KCTD1: variants seen among roughly 807,000 people sequenced by gnomAD.
KCTD1 encodes potassium channel tetramerization domain containing 1, also known as BTB/POZ domain-containing protein KCTD1.
Under a neutral mutation model 66.0 loss-of-function variants are expected in KCTD1, and 24 were observed. The ratio of observed to expected loss-of-function variants is 0.36; its 90% CI spans 0.26 to 0.51. The LOEUF (loss-of-function observed/expected upper bound fraction) is 0.51. Among genes scored for constraint, KCTD1 ranks in the 20% least tolerant of loss-of-function variants. KCTD1 has a pLI of 0.95. For missense variants in KCTD1, 943 were observed against 1,205.2 expected (o/e 0.78, Z 3.22); for synonymous variants, 511 against 517.2 (o/e 0.99, Z 0.16).
intron 1 of KCTD1, among the ~76,000 whole-genome samples, chr18:26,586,038 AAAAAC>A (rs1365116117): frequency 6.6e-6 from 1 of 152,196 alleles, no homozygotes. Flanking sequence ...CTGTCTCTTA[AAAAAC>A]AAAACAAAAC....
chr18:26,552,818 G>C (rs1322467760), upstream of KCTD1, among the ~76,000 whole-genome samples: 1 of 152,088 alleles, frequency 6.6e-6, no homozygotes, highest in Non-Finnish European at 1.5e-5. Flanking sequence ...CTTGAGAGCA[G>C]AGGCCAGAAA....
intron 1 of KCTD1, among the ~76,000 whole-genome samples, chr18:26,568,094 A>T (rs2144892042): frequency 6.6e-6 from 1 of 152,322 alleles, no homozygotes; most frequent in South Asian, 2.1e-4. Flanking sequence ...CTACTTAATG[A>T]AGCAAGATTA....
intron 1 of KCTD1, among the ~76,000 whole-genome samples, chr18:26,525,125 CT>C (rs1336869380): frequency 7.9e-5 from 12 of 152,168 alleles, no homozygotes; most frequent in Admixed American, 2.6e-4. Context: ...CAAACAGCAA[CT>C]TTAAAAATCT....
chr18:26,643,441 A>C (rs1987868825), upstream of KCTD1, among the ~76,000 whole-genome samples: 1 of 152,224 alleles, frequency 6.6e-6, no homozygotes, highest in Non-Finnish European at 1.5e-5. Context: ...CAATGGAGAC[A>C]GGAAAGACAA....
chr18:26,575,527 CA>C (rs1986206043), intron 1 of KCTD1: 1 of 152,204 alleles, frequency 6.6e-6, no homozygotes, highest in African/African-American at 2.4e-5. Flanking sequence ...GACACCAGAA[CA>C]AAGACAGCCA....
chr18:26,553,692 A>C (rs952713757), intron 1 of KCTD1, among the ~76,000 whole-genome samples: 4 of 152,230 alleles, frequency 2.6e-5, no homozygotes, highest in Non-Finnish European at 5.9e-5. Flanking sequence ...TTGAGAATTA[A>C]ATAAGTTGAT....
intron 1 of KCTD1, among the ~76,000 whole-genome samples, chr18:26,607,838 G>C (rs1205462428): frequency 6.6e-6 from 1 of 152,126 alleles, no homozygotes; most frequent in African/African-American, 2.4e-5. Flanking sequence ...TGTGATCTTG[G>C]TTCACTGCAG....
At chr18:26,603,077 G>T (rs150360132) in intron 1 of KCTD1, among the ~76,000 whole-genome samples, 34 of 152,210 alleles carry the variant, frequency 2.2e-4, no homozygotes, top group Non-Finnish European at 4.4e-4. Context: ...ATATGCAGAA[G>T]ATTGAAGCTG....
chr18:26,489,128 C>T (rs1184216663), intron 2 of KCTD1, among the ~76,000 whole-genome samples: 1 of 152,196 alleles, frequency 6.6e-6, no homozygotes, highest in Non-Finnish European at 1.5e-5. Flanking sequence ...CAGCTGGCTG[C>T]TTTGGGGACA....
intron 3 of KCTD1, among the ~76,000 whole-genome samples, chr18:26,475,677 C>G (rs1482426529): frequency 6.6e-6 from 1 of 151,992 alleles, no homozygotes; most frequent in Non-Finnish European, 1.5e-5. Context: ...ATGGTGACAC[C>G]CCGTCTCTAC....
intron 1 of KCTD1, among the ~76,000 whole-genome samples, chr18:26,511,981 G>T (rs1341911004): frequency 6.6e-6 from 1 of 152,140 alleles, no homozygotes; most frequent in Non-Finnish European, 1.5e-5. Flanking sequence ...GGACACATCG[G>T]CCTCTAAATA....
chr18:26,514,428 T>C (rs1192091813), intron 1 of KCTD1, among the ~76,000 whole-genome samples: 3 of 151,518 alleles, frequency 2.0e-5, no homozygotes, highest in Admixed American at 6.6e-5. Flanking sequence ...GGTCTCAGCC[T>C]ACAGTCTGTG....
At chr18:26,639,363 C>A (rs1987788300) in intron 1 of KCTD1, among the ~76,000 whole-genome samples, 1 of 151,988 alleles carries the variant, frequency 6.6e-6, no homozygotes, top group African/African-American at 2.4e-5. Context: ...TGCGGGGCTC[C>A]CGAAGCCGGG....
At chr18:26,562,939 C>A (rs1382879897) in intron 1 of KCTD1, among the ~76,000 whole-genome samples, 2 of 152,188 alleles carry the variant, frequency 1.3e-5, no homozygotes. Flanking sequence ...TAGAGTCACA[C>A]TGCAGGGTTA....
chr18:26,517,405 C>T (rs1318182618), intron 1 of KCTD1, among the ~76,000 whole-genome samples: 2 of 151,992 alleles, frequency 1.3e-5, no homozygotes, highest in South Asian at 2.1e-4. Context: ...CCTGTAATCC[C>T]AACACTTTGG....
At chr18:26,560,305 A>G (rs1301966157) in intron 1 of KCTD1, among the ~76,000 whole-genome samples, 1 of 152,190 alleles carries the variant, frequency 6.6e-6, no homozygotes, top group Non-Finnish European at 1.5e-5. Flanking sequence ...GTTAAAATAA[A>G]AGCTCCTCCA....
intron 1 of KCTD1, among the ~76,000 whole-genome samples, chr18:26,580,350 G>A (rs1178473891): frequency 6.6e-6 from 1 of 152,054 alleles, no homozygotes; most frequent in Admixed American, 6.6e-5. Flanking sequence ...TCTAGTAAGG[G>A]AACTTAGGAT....
At chr18:26,621,080 G>T (rs1051815242) in intron 1 of KCTD1, among the ~76,000 whole-genome samples, 1 of 152,042 alleles carries the variant, frequency 6.6e-6, no homozygotes, top group Non-Finnish European at 1.5e-5. Flanking sequence ...TGATCCACCC[G>T]CCTCCGCCTC....
chr18:26,562,595 T>C (rs1025946026), intron 1 of KCTD1, among the ~76,000 whole-genome samples: 3 of 152,200 alleles, frequency 2.0e-5, no homozygotes, highest in African/African-American at 7.2e-5. Context: ...CTATTATGTC[T>C]TCATCCAAAG....
Sources: gnomAD v4.1 joint callset for allele counts (sites outside exome capture counted in the v4.1 genomes callset) on GRCh38, gnomAD v4.1.1 for gene constraint, MANE v1.5 for transcripts, NCBI Gene and HGNC (gene_info 2026-07-23, HGNC 2026-07-21) for gene names.